Variants in CRISPLD1 observed in about 807,000 individuals in gnomAD.
CRISPLD1 encodes the protein cysteine-rich secretory protein LCCL domain-containing 1.
A neutral mutation model predicts 77.5 loss-of-function variants in CRISPLD1; 60 were observed. The observed-to-expected ratio is 0.77, with a 90% confidence interval of 0.63 to 0.96. The LOEUF (loss-of-function observed/expected upper bound fraction) is 0.96. Ranked by LOEUF, CRISPLD1 falls within the 40% of genes least tolerant of loss-of-function variation. CRISPLD1 has a pLI of 0.00. For missense variants in CRISPLD1, 623 were observed against 615.8 expected, an observed-to-expected ratio of 1.01 and a Z score of -0.12; for synonymous variants, 195 against 200.1, an observed-to-expected ratio of 0.97 and a Z score of 0.22.
intron 2 of CRISPLD1, among the ~76,000 whole-genome samples, chr8:75,007,066 A>G (rs1375980790): frequency 6.6e-6 from 1 of 152,118 alleles, no homozygotes; most frequent in Non-Finnish European, 1.5e-5. Flanking sequence ...AATTATCAGA[A>G]AATACTCTCT....
At chr8:75,017,500 TGAGCTAACACATTTTTTTTTA>T (rs1563400405) in intron 10 of CRISPLD1, 50 bp downstream of exon 10, 2 of 1,493,198 alleles carry the variant, frequency 1.3e-6, no homozygotes, top group Non-Finnish European at 1.8e-6. Context: ...ATTGTAACAG[TGAGCTAACACATTTTTTTTTA>T]GAGCAAAGCA....
At chr8:75,018,811 C>G (rs919162563) in intron 10 of CRISPLD1, among the ~76,000 whole-genome samples, 3 of 150,148 alleles carry the variant, frequency 2.0e-5, no homozygotes, top group African/African-American at 7.4e-5. Context: ...AGGCTGGTCT[C>G]AAACTCCTGA....
At position 75,033,450 on chromosome 8, in the gene CRISPLD1, T is replaced by C. The variant is rs1381655926; in HGVS notation, c.*1208T>C. On this transcript the variant is annotated 3_prime_UTR_variant, in exon 15 of 15. Coordinates refer to ENST00000262207, the MANE Select transcript of CRISPLD1 (RefSeq NM_031461.6). ...CCAGATGTCTACAAAATCGACCTGA[T>C]TATTTAGGTATTTGTATGTGAAAGA... The C allele has an allele frequency of 6.6e-6, 1 of 151,886 alleles. No individual in the cohort carries two copies. Among genetic ancestry groups the C allele is most frequent in the Non-Finnish European group, 1.5e-5 (1 of 67,844 alleles). The allele number at this position is 151,886 out of a possible 1,614,324, so 9.4% of individuals were successfully genotyped here. A position where few individuals can be genotyped will look rare whatever the true frequency, so the allele number is the denominator to read the frequency against.
At chr8:75,025,503 A>ATTACCAGTATT in intron 12 of CRISPLD1, 43 bp from the exon 13 acceptor site, 1 of 818,366 alleles carries the variant, frequency 1.2e-6, no homozygotes, top group Non-Finnish European at 1.8e-6. Flanking sequence ...AGACTTAAGT[A>ATTACCAGTATT]ACCAGCTTAC....
intron 12 of CRISPLD1, among the ~76,000 whole-genome samples, chr8:75,025,133 A>C (rs1356168587): frequency 6.6e-6 from 1 of 152,206 alleles, no homozygotes; most frequent in Non-Finnish European, 1.5e-5. Context: ...AAACTATGAA[A>C]TTGGATGAGA....
intron 5 of CRISPLD1, 82 bp from the exon 6 acceptor site, chr8:75,014,730 G>A: frequency 2.4e-6 from 2 of 849,148 alleles, no homozygotes; most frequent in South Asian, 3.2e-5. Context: ...TACTTAGAAT[G>A]TTCATATATA....
chr8:75,008,759 A>G (rs1272161813), intron 2 of CRISPLD1, among the ~76,000 whole-genome samples: 2 of 152,200 alleles, frequency 1.3e-5, no homozygotes, highest in African/African-American at 2.4e-5. Flanking sequence ...ATCATAAGTC[A>G]TACCTTAAAT....
intron 2 of CRISPLD1, among the ~76,000 whole-genome samples, chr8:75,007,335 T>A (rs1166667798): frequency 1.3e-5 from 2 of 152,198 alleles, no homozygotes; most frequent in African/African-American, 4.8e-5. Context: ...TATACAGTGA[T>A]GCAACCTACT....
chr8:75,022,589 G>GAAAA (rs71565425), intron 12 of CRISPLD1, among the ~76,000 whole-genome samples: 1 of 82,384 alleles, frequency 1.2e-5, no homozygotes, highest in South Asian at 3.9e-4. Flanking sequence ...CTCTGTCTCA[G>GAAAA]AAAAAAAAAA....
At chr8:74,989,851 C>T (rs943256139) in intron 2 of CRISPLD1, among the ~76,000 whole-genome samples, 2 of 152,044 alleles carry the variant, frequency 1.3e-5, no homozygotes, top group African/African-American at 4.8e-5. Context: ...CCTGGGTTTT[C>T]TTGTACAGTT....
At chr8:75,021,260 G>C (rs1268076688) in intron 12 of CRISPLD1, among the ~76,000 whole-genome samples, 1 of 152,156 alleles carries the variant, frequency 6.6e-6, no homozygotes, top group East Asian at 1.9e-4. Flanking sequence ...CTTTATAGCG[G>C]AAGACTGTGA....
intron 2 of CRISPLD1, among the ~76,000 whole-genome samples, chr8:74,987,973 C>CT (rs755531546): frequency 2.0e-5 from 3 of 152,086 alleles, no homozygotes; most frequent in Non-Finnish European, 4.4e-5. Flanking sequence ...ATATGAGTTT[C>CT]TTTTTAGTTT....
intron 12 of CRISPLD1, among the ~76,000 whole-genome samples, chr8:75,023,102 G>C (rs924872237): frequency 6.7e-6 from 1 of 148,682 alleles, no homozygotes; most frequent in African/African-American, 2.5e-5. Flanking sequence ...AAAGTTTACC[G>C]GACCAGTACC....
At chr8:75,012,344 G>T in intron 2 of CRISPLD1, 89 bp from the exon 3 acceptor site, 2 of 766,862 alleles carry the variant, frequency 2.6e-6, no homozygotes, top group Non-Finnish European at 2.2e-6. Context: ...AAGAAAGAAA[G>T]AAGAAAATGT....
At chr8:75,013,886 G>T (rs976870690) in intron 4 of CRISPLD1, 101 bp from the exon 5 acceptor site, 3 of 748,684 alleles carry the variant, frequency 4.0e-6, no homozygotes, top group Admixed American at 4.2e-5. Context: ...AATGATAAAC[G>T]TTGGCTTCTC....
chr8:75,020,075 C>A lies in CRISPLD1; in HGVS notation c.1240C>A (p.Pro414Thr). 6.2e-7 allele frequency: 1 copy of A among 1,613,486 alleles called. No homozygotes were observed. Among genetic ancestry groups the A allele is most frequent in the Admixed American group, 1.7e-5 (1 of 60,006 alleles). The change falls in exon 12 of 15, where the codon CCA becomes ACA. Residue 414 changes from proline (P) to threonine (T), a missense_variant. Physicochemically the swap from Pro to Thr is conservative, Grantham distance 38. Transcript: ENST00000262207. ...ATTTCATAAGCCTGCTTCACATTGC[C>A]CAAGGTAAACCAGTGTACACATAGG... The part of the protein sequence containing the change: ...CPFHKPASHC[P>T]RVYCPRNCMQ...
chr8:75,007,529 G>A (rs910828570), intron 2 of CRISPLD1, among the ~76,000 whole-genome samples: 1 of 151,916 alleles, frequency 6.6e-6, no homozygotes, highest in African/African-American at 2.4e-5. Flanking sequence ...TAGTACTAAA[G>A]TTACTATGTA....
chr8:74,996,637 T>C (rs757882250), intron 2 of CRISPLD1, among the ~76,000 whole-genome samples: 3 of 150,612 alleles, frequency 2.0e-5, no homozygotes, highest in Non-Finnish European at 4.4e-5. Context: ...AGAAGGACTG[T>C]GGGACTGAAT....
At chr8:74,993,784 C>G (rs961812975) in intron 2 of CRISPLD1, among the ~76,000 whole-genome samples, 1 of 152,192 alleles carries the variant, frequency 6.6e-6, no homozygotes, top group African/African-American at 2.4e-5. Flanking sequence ...TGCTTTTATT[C>G]ATTCCTTTAT....
Sources: allele counts gnomAD v4.1 joint callset (sites outside exome capture counted in the v4.1 genomes callset), GRCh38; gene constraint gnomAD v4.1.1; transcripts MANE v1.5; gene names NCBI Gene and HGNC (gene_info 2026-07-23, HGNC 2026-07-21).